Variants in ASPRV1 observed in about 807,000 individuals in gnomAD.
ASPRV1 encodes the protein retroviral-like aspartic protease 1.
ASPRV1 carries 7 observed loss-of-function variants against 11.0 expected under a neutral mutation model. The observed-to-expected ratio is 0.64, with a 90% CI of 0.36 to 1.20. The LOEUF is 1.20. Among genes scored for constraint, ASPRV1 ranks in the 50% most tolerant of loss-of-function variants. The probability of loss-of-function intolerance (pLI) is 0.02; values close to 1 mark genes in which losing one functional copy is unlikely to be tolerated. For synonymous variants in ASPRV1, 136 were observed against 138.4 expected, an observed-to-expected ratio of 0.98 and a Z score of 0.12; for missense variants, 299 against 320.0, an observed-to-expected ratio of 0.93 and a Z score of 0.50.
upstream of ASPRV1, chr2:69,961,953 G>A (rs1236893851): frequency 7.5e-6 from 3 of 401,038 alleles, no homozygotes; most frequent in African/African-American, 2.0e-5. Context: ...GGGAGGCAGG[G>A]ACCAGACGCC....
At chr2:70,069,771 A>G in the ASPRV1 span, among the ~76,000 whole-genome samples, 1 of 152,180 alleles carries the variant, frequency 6.6e-6, no homozygotes, top group Admixed American at 6.6e-5. Flanking sequence ...TCATCAAAGG[A>G]GTCAGGTTAT....
At chr2:70,049,058 T>C in the ASPRV1 span, 1 of 151,968 alleles carries the variant, frequency 6.6e-6, no homozygotes, top group Admixed American at 6.6e-5. Context: ...ATTATTATAC[T>C]TTAAGTTTTA....
chr2:70,036,197 G>A, the ASPRV1 span, among the ~76,000 whole-genome samples: 14 of 152,002 alleles, frequency 9.2e-5, no homozygotes, highest in African/African-American at 3.1e-4. Flanking sequence ...GAGACACCCT[G>A]TTACTTGAAT....
chr2:70,078,423 A>G, the ASPRV1 span, among the ~76,000 whole-genome samples: 2 of 152,236 alleles, frequency 1.3e-5, no homozygotes, highest in African/African-American at 4.8e-5. Flanking sequence ...TATGCAGAAA[A>G]AACAGGGAAG....
At chr2:70,058,409 A>G in the ASPRV1 span, among the ~76,000 whole-genome samples, 2 of 151,762 alleles carry the variant, frequency 1.3e-5, no homozygotes, top group African/African-American at 4.8e-5. Context: ...CACTCAGTTA[A>G]TTTTTGTATT....
the ASPRV1 span, chr2:70,075,381 T>G: frequency 7.1e-6 from 1 of 141,402 alleles, no homozygotes; most frequent in Non-Finnish European, 1.5e-5. Flanking sequence ...AAGCATGAAC[T>G]CAGGATGGAC....
the ASPRV1 span, among the ~76,000 whole-genome samples, chr2:69,953,015 C>G: frequency 6.6e-6 from 1 of 152,240 alleles, no homozygotes; most frequent in Non-Finnish European, 1.5e-5. Context: ...CTGCCTCCCT[C>G]CAGGGGCTGC....
chr2:70,061,561 G>C, the ASPRV1 span, among the ~76,000 whole-genome samples: 1 of 152,156 alleles, frequency 6.6e-6, no homozygotes, highest in African/African-American at 2.4e-5. Context: ...CCAGCAGTAG[G>C]GAAGAAGGGG....
At chr2:69,988,655 C>G in the ASPRV1 span, 1 of 410,610 alleles carries the variant, frequency 2.4e-6, no homozygotes, top group South Asian at 1.7e-5. Flanking sequence ...GAATTGTACA[C>G]TCAAAAATCA....
downstream of ASPRV1, among the ~76,000 whole-genome samples, chr2:69,955,159 C>T (rs1021654568): frequency 4.6e-5 from 7 of 152,310 alleles, no homozygotes; most frequent in South Asian, 1.5e-3. Flanking sequence ...CGTGGGGTGG[C>T]GTCATGTCTG....
At position 69,960,430 on chromosome 2, in the gene ASPRV1, C is replaced by G; in HGVS notation, c.*227G>C. The stretch of plus-strand genomic sequence containing the variant: ...ACAGCAGCTTGATGACCATGGGGAC[C>G]CTGTCCCTCTAAGCCAGCCTGCTCT... On this transcript the variant is annotated 3_prime_UTR_variant, in exon 1 of 1. Coordinates refer to ENST00000320256, the MANE Select transcript of ASPRV1 (RefSeq NM_152792.4). 1 of 532,758 alleles carries G rather than the reference C, an allele frequency of 1.9e-6. No individual in the cohort carries two copies. The allele number at this position is 532,758 out of a possible 1,614,324, so 33.0% of individuals were successfully genotyped here.
chr2:70,080,778 A>G, the ASPRV1 span: 1 of 152,252 alleles, frequency 6.6e-6, no homozygotes, highest in Non-Finnish European at 1.5e-5. Context: ...TAATGTAAAC[A>G]TCCTTCATTC....
At chr2:70,011,362 G>A in the ASPRV1 span, among the ~76,000 whole-genome samples, 3 of 152,180 alleles carry the variant, frequency 2.0e-5, no homozygotes, top group Non-Finnish European at 4.4e-5. Context: ...GGGGGCCAGG[G>A]AGAAGACCCT....
the ASPRV1 span, among the ~76,000 whole-genome samples, chr2:70,078,714 T>A: frequency 6.6e-6 from 1 of 152,168 alleles, no homozygotes; most frequent in Non-Finnish European, 1.5e-5. Flanking sequence ...GTGGTGTGAA[T>A]CCTACATGGT....
the ASPRV1 span, among the ~76,000 whole-genome samples, chr2:70,038,944 T>G: frequency 6.6e-6 from 1 of 152,076 alleles, no homozygotes; most frequent in Non-Finnish European, 1.5e-5. Flanking sequence ...CCAGGCATAG[T>G]GGCACATGCC....
the ASPRV1 span, chr2:70,064,004 C>G: frequency 1.3e-5 from 2 of 152,166 alleles, no homozygotes; most frequent in African/African-American, 2.4e-5. Flanking sequence ...AATTCTACTC[C>G]GCTGTCAGTT....
At chr2:70,065,926 G>A in the ASPRV1 span, among the ~76,000 whole-genome samples, 1 of 151,800 alleles carries the variant, frequency 6.6e-6, no homozygotes. Flanking sequence ...GCTCAATGGA[G>A]GCTGGGTGCA....
the ASPRV1 span, among the ~76,000 whole-genome samples, chr2:70,074,132 T>C: frequency 4.9e-5 from 1 of 20,252 alleles, no homozygotes; most frequent in East Asian, 2.3e-3. Context: ...AAACTTCATC[T>C]CAAAAAAAAA....
the ASPRV1 span, among the ~76,000 whole-genome samples, chr2:70,057,090 G>T: frequency 6.6e-6 from 1 of 151,472 alleles, no homozygotes; most frequent in Non-Finnish European, 1.5e-5. Flanking sequence ...AAAAAATTCA[G>T]CAACAGAGAA....
Sources: gnomAD v4.1 joint callset for allele counts (sites outside exome capture counted in the v4.1 genomes callset) on GRCh38, gnomAD v4.1.1 for gene constraint, MANE v1.5 for transcripts, NCBI Gene and HGNC (gene_info 2026-07-23, HGNC 2026-07-21) for gene names.